The following NTRK3 variants were observed in gnomAD, a reference collection of about 807,000 sequenced individuals.
NTRK3 encodes NT-3 growth factor receptor.
In NTRK3, 24 loss-of-function variants were observed where a neutral mutation model predicts 91.7. The observed-to-expected ratio is 0.26, with a 90% CI of 0.19 to 0.37. The LOEUF (loss-of-function observed/expected upper bound fraction) is 0.37, where lower values mean the gene tolerates loss of function less well. NTRK3 is among the 10% of genes least tolerant of loss of function. The pLI, the probability that NTRK3 is intolerant of heterozygous loss-of-function variation, is 1.00. For missense variants in NTRK3, 880 were observed against 1,068.9 expected, an observed-to-expected ratio of 0.82 and a Z score of 2.46; for synonymous variants, 483 against 404.0, an observed-to-expected ratio of 1.20 and a Z score of -2.34.
intron 3 of NTRK3, among the ~76,000 whole-genome samples, chr15:88,219,461 G>C (rs1190427505): frequency 6.6e-6 from 1 of 152,238 alleles, no homozygotes; most frequent in East Asian, 1.9e-4. Context: ...GGGGCAGAAG[G>C]CTGGCCTCCT....
intron 13 of NTRK3, among the ~76,000 whole-genome samples, chr15:88,051,208 G>T (rs8035265): frequency 0.49 from 73,907 of 151,916 alleles, 21,219 homozygotes; most frequent in African/African-American, 0.81. Flanking sequence ...CTTTGATGCC[G>T]ACAACCCACC....
intron 13 of NTRK3, among the ~76,000 whole-genome samples, chr15:88,070,438 A>C (rs2047002905): frequency 6.6e-6 from 1 of 152,118 alleles, no homozygotes; most frequent in African/African-American, 2.4e-5. Context: ...TCACATACAG[A>C]GTCATCACAG....
At chr15:87,875,748 C>T (rs1448232861) in exon 19 of NTRK3, 2 of 233,156 alleles carry the variant, frequency 8.6e-6, no homozygotes, top group Non-Finnish European at 1.7e-5. Flanking sequence ...ACACTCACTG[C>T]TGCAGCCTCT....
intron 3 of NTRK3, among the ~76,000 whole-genome samples, chr15:88,223,667 CTG>C (rs1034641251): frequency 2.0e-5 from 3 of 152,214 alleles, no homozygotes; most frequent in African/African-American, 7.2e-5. Flanking sequence ...GGGTCTTCCT[CTG>C]TGTTTCCTTA....
chr15:87,865,022 A>C (rs1359966435), exon 19 of NTRK3: 1 of 213,404 alleles, frequency 4.7e-6, no homozygotes, highest in Non-Finnish European at 9.5e-6. Context: ...AAAAACAAAA[A>C]TTGAGCCCAA....
chr15:88,113,746 A>T (rs1259200661), intron 13 of NTRK3, among the ~76,000 whole-genome samples: 1 of 152,168 alleles, frequency 6.6e-6, no homozygotes, highest in Non-Finnish European at 1.5e-5. Context: ...TCATTTACAT[A>T]TTGGCTATGA....
chr15:87,952,271 G>GGAAA (rs146264820), intron 14 of NTRK3, among the ~76,000 whole-genome samples: 28 of 151,528 alleles, frequency 1.8e-4, no homozygotes, highest in African/African-American at 6.3e-4. Context: ...AAAGAAGGAA[G>GGAAA]GAAAGAAAGA....
At chr15:88,072,729 G>A (rs932420939) in intron 13 of NTRK3, 18 of 232,938 alleles carry the variant, frequency 7.7e-5, no homozygotes, top group African/African-American at 3.1e-4. Context: ...TGAAGGCTGA[G>A]AGGTTTGGCA....
At chr15:88,236,896 G>A (rs1210898290) in intron 3 of NTRK3, among the ~76,000 whole-genome samples, 1 of 152,158 alleles carries the variant, frequency 6.6e-6, no homozygotes, top group Non-Finnish European at 1.5e-5. Flanking sequence ...AGAATGTGGG[G>A]AACTTTCTGG....
At chr15:88,109,897 C>A (rs1364358777) in intron 13 of NTRK3, among the ~76,000 whole-genome samples, 1 of 152,190 alleles carries the variant, frequency 6.6e-6, no homozygotes, top group Admixed American at 6.5e-5. Flanking sequence ...ATCATGATTT[C>A]TCCCCTCAAC....
chr15:87,987,031 C>T (rs376935466), intron 14 of NTRK3, among the ~76,000 whole-genome samples: 1 of 152,328 alleles, frequency 6.6e-6, no homozygotes, highest in East Asian at 1.9e-4. Flanking sequence ...ACTCAAAGTG[C>T]AGGCAAGTGG....
intron 3 of NTRK3, among the ~76,000 whole-genome samples, chr15:88,248,058 G>A (rs767580508): frequency 1.3e-5 from 2 of 152,164 alleles, no homozygotes; most frequent in Non-Finnish European, 2.9e-5. Context: ...CCAGGCTCTC[G>A]CTGGCCATGA....
At chr15:88,127,965 C>T (rs545969389) in intron 11 of NTRK3, among the ~76,000 whole-genome samples, 8 of 152,252 alleles carry the variant, frequency 5.3e-5, no homozygotes, top group African/African-American at 1.9e-4. Context: ...GATTACAAGT[C>T]CTCTAAGGCT....
At chr15:87,870,279 C>T (rs565389414) in exon 19 of NTRK3, 13 of 187,882 alleles carry the variant, frequency 6.9e-5, no homozygotes, top group East Asian at 3.4e-4. Context: ...TAATGGCATT[C>T]GAAGCGGCCT....
At chr15:88,239,731 A>G (rs2052139882) in intron 3 of NTRK3, among the ~76,000 whole-genome samples, 1 of 152,172 alleles carries the variant, frequency 6.6e-6, no homozygotes, top group Non-Finnish European at 1.5e-5. Flanking sequence ...GGTATTCTTC[A>G]AGAATGGAAG....
exon 19 of NTRK3, chr15:87,873,453 A>C (rs1000416743): frequency 2.2e-5 from 5 of 231,124 alleles, no homozygotes; most frequent in African/African-American, 1.1e-4. Flanking sequence ...ACCCAACAGC[A>C]GGTCACTCTC....
In NTRK3 at chr15:88,007,856, G is replaced by A. The variant is rs1190994725; in HGVS notation, c.1585+25001C>T. Among the ~76,000 whole-genome samples, 5 of 152,274 alleles carry A rather than the reference G, an allele frequency of 3.3e-5. No homozygotes were observed. In the East Asian group the frequency reaches 9.7e-4, roughly 29 times the overall value. The stretch of plus-strand genomic sequence containing the variant: ...AATCTCGTCTGTAAAATGGGTGGAT[G>A]AATAGGACCCCTAACGTGCCTTATA... On this transcript the variant is annotated intron_variant, in intron 14 of 18. Transcript: ENST00000394480.
intron 14 of NTRK3, chr15:87,977,951 G>T (rs997785919): frequency 4.3e-6 from 1 of 232,288 alleles, no homozygotes; most frequent in East Asian, 6.1e-5. Context: ...CCAAAACAAC[G>T]GTGGGTTAAA....
At chr15:88,138,184 A>G (rs982014291) in intron 6 of NTRK3, among the ~76,000 whole-genome samples, 1 of 152,036 alleles carries the variant, frequency 6.6e-6, no homozygotes, top group Non-Finnish European at 1.5e-5. Context: ...TGGGAGGATC[A>G]CAAGGTCAGG....
Sources: allele counts gnomAD v4.1 joint callset (sites outside exome capture counted in the v4.1 genomes callset), GRCh38; gene constraint gnomAD v4.1.1; transcripts MANE v1.5; gene names NCBI Gene and HGNC (gene_info 2026-07-23, HGNC 2026-07-21).